Variants in FAM220A observed in about 807,000 individuals in gnomAD.
FAM220A encodes the protein protein FAM220A.
For synonymous variants in FAM220A, 141 were observed against 130.7 expected, an observed-to-expected ratio of 1.08 and a Z score of -0.54; for missense variants, 392 against 321.6, an observed-to-expected ratio of 1.22 and a Z score of -1.68.
chr7:6,347,554 G>T (rs1322067186), intron 1 of FAM220A, among the ~76,000 whole-genome samples: 1 of 151,830 alleles, frequency 6.6e-6, no homozygotes, highest in Non-Finnish European at 1.5e-5. Context: ...TTACAGCAAA[G>T]GCGGTCTCCA....
intron 1 of FAM220A, among the ~76,000 whole-genome samples, chr7:6,337,136 A>ATCCCAGCT (rs887004530): frequency 6.6e-6 from 1 of 150,970 alleles, no homozygotes; most frequent in Admixed American, 6.6e-5. Context: ...CAGTGGCGCA[A>ATCCCAGCT]TCTCAGCTCA....
At chr7:6,344,120 C>T (rs1781916252) in intron 1 of FAM220A, among the ~76,000 whole-genome samples, 3 of 146,892 alleles carry the variant, frequency 2.0e-5, no homozygotes, top group South Asian at 2.2e-4. Flanking sequence ...TGGCCTCAAG[C>T]GAGGGTAAAG....
chr7:6,348,050 A>G (rs1781989587), intron 1 of FAM220A, among the ~76,000 whole-genome samples: 1 of 151,436 alleles, frequency 6.6e-6, no homozygotes, highest in Non-Finnish European at 1.5e-5. Context: ...AGCTGGGATT[A>G]CAGGCACGCG....
In FAM220A at chr7:6,348,872, G is replaced by C. The variant is rs1328327324; in HGVS notation, c.-381C>G. The C allele has an allele frequency of 5.2e-6, 2 of 386,590 alleles. No homozygotes were observed. Among genetic ancestry groups the C allele is most frequent in the Non-Finnish European group, 4.6e-6 (1 of 219,142 alleles). 23.9% of individuals were successfully genotyped at this position (386,590 alleles called of 1,614,324 possible). A position where few individuals can be genotyped will look rare whatever the true frequency, so the allele number is the denominator to read the frequency against. ...AGCGAAGGAGGCGGCGGCTAGACCG[G>C]CGGGCGGGCGGGCCGCAGTGGAGCG... On this transcript the variant is annotated 5_prime_UTR_variant, in exon 1 of 2. Coordinates refer to ENST00000313324, the MANE Select transcript of FAM220A (RefSeq NM_001037163.2).
chr7:6,348,196 G>A (rs547042940), intron 1 of FAM220A, among the ~76,000 whole-genome samples: 13 of 144,666 alleles, frequency 9.0e-5, no homozygotes, highest in African/African-American at 3.3e-4. Flanking sequence ...GTAAGCCACC[G>A]CGCCCGGCCG....
At chr7:6,334,536 C>G (rs1221248886) in intron 1 of FAM220A, among the ~76,000 whole-genome samples, 2 of 152,058 alleles carry the variant, frequency 1.3e-5, no homozygotes, top group South Asian at 4.1e-4. Context: ...GGCAGGATCA[C>G]AGCTTACTGC....
chr7:6,342,528 G>T (rs1781882168), intron 1 of FAM220A, among the ~76,000 whole-genome samples: 1 of 151,698 alleles, frequency 6.6e-6, no homozygotes, highest in African/African-American at 2.4e-5. Context: ...GACAAAGCGA[G>T]ACTCTGTCTC....
intron 1 of FAM220A, among the ~76,000 whole-genome samples, chr7:6,337,672 T>A (rs983223510): frequency 1.3e-5 from 2 of 151,666 alleles, no homozygotes; most frequent in Non-Finnish European, 2.9e-5. Context: ...CATAAAAAAA[T>A]TCATTTAATA....
rs1251017842 is a variant in FAM220A, at chr7:6,329,435, T to G, written c.*940A>C. On this transcript the variant is annotated 3_prime_UTR_variant, in exon 2 of 2. Coordinates refer to ENST00000313324, the MANE Select transcript of FAM220A (RefSeq NM_001037163.2). The stretch of plus-strand genomic sequence containing the variant: ...ATAAAATAAGACATATTTATTAAGC[T>G]AAAGAACAAATTTTATTTTTCATTT... The G allele has an allele frequency of 6.6e-6, 1 of 152,460 alleles. No individual in the cohort carries two copies. The highest frequency in any genetic ancestry group is 2.4e-5 in the African/African-American group (1 of 41,416). 9.4% of individuals were successfully genotyped at this position (152,460 alleles called of 1,614,324 possible).
At chr7:6,335,505 G>C (rs919055065) in intron 1 of FAM220A, among the ~76,000 whole-genome samples, 1 of 151,302 alleles carries the variant, frequency 6.6e-6, no homozygotes, top group Non-Finnish European at 1.5e-5. Flanking sequence ...TGGGACTACA[G>C]GTGTGAGCCT....
chr7:6,340,176 C>T (rs939663349), intron 1 of FAM220A, among the ~76,000 whole-genome samples: 12 of 152,132 alleles, frequency 7.9e-5, no homozygotes, highest in African/African-American at 1.9e-4. Context: ...TGAGCTACCG[C>T]GCCCGGCCCC....
chr7:6,348,900 GTCC>G lies in FAM220A; in HGVS notation c.-412_-410del, dbSNP rs1383199670. 1.0e-5 allele frequency: 4 copies of G among 387,204 alleles called. No individual in the cohort carries two copies. The highest frequency in any genetic ancestry group is 1.8e-5 in the Non-Finnish European group (4 of 219,326). The allele number at this position is 387,204 out of a possible 1,614,324, so 24.0% of individuals were successfully genotyped here. On this transcript the variant is annotated 5_prime_UTR_variant, in exon 1 of 2. Coordinates refer to ENST00000313324, the MANE Select transcript of FAM220A (RefSeq NM_001037163.2). Reference sequence around the variant, plus strand: ...GGCGGGCGGGCCGCAGTGGAGCGGAGTCCGCACGTCACGCTCGGAGAAGTGCCT... The same window carrying G: ...GGCGGGCGGGCCGCAGTGGAGCGGAGGCACGTCACGCTCGGAGAAGTGCCT...
At chr7:6,344,829 CTCCCAGGGTTCAAGT>C (rs1331902410) in intron 1 of FAM220A, among the ~76,000 whole-genome samples, 3 of 151,820 alleles carry the variant, frequency 2.0e-5, no homozygotes, top group African/African-American at 7.3e-5. Context: ...TAACCTCCAC[CTCCCAGGGTTCAAGT>C]AATTCTCCTG....
chr7:6,331,040 A>G lies in FAM220A; in HGVS notation c.115T>C (p.Trp39Arg), dbSNP rs902702278. The part of the protein sequence containing the change: ...SLKKRMPEGP[W>R]PADAPSWMNK... The stretch of plus-strand genomic sequence containing the variant: ...ATCCAGGAGGGTGCATCTGCAGGCC[A>G]AGGGCCCTCCGGCATTCTTTTCTTA... Residue 39 changes from tryptophan (W) to arginine (R), a missense_variant, in exon 2 of 2, where the codon TGG becomes CGG. Trp to Arg is a moderately radical substitution (Grantham distance 101). Transcript: ENST00000313324. 6.2e-7 allele frequency: 1 copy of G among 1,613,994 alleles called. No individual in the cohort carries two copies. The highest frequency in any genetic ancestry group is 8.5e-7 in the Non-Finnish European group (1 of 1,180,036).
intron 1 of FAM220A, among the ~76,000 whole-genome samples, chr7:6,335,672 CTT>C (rs986393075): frequency 5.3e-5 from 8 of 152,180 alleles, no homozygotes; most frequent in African/African-American, 9.6e-5. Context: ...TTATATATAT[CTT>C]GTGGGACATG....
intron 1 of FAM220A, among the ~76,000 whole-genome samples, chr7:6,337,021 C>T (rs369202597): frequency 1.8e-3 from 279 of 151,882 alleles, no homozygotes; most frequent in African/African-American, 5.2e-3. Context: ...TATCCTTAAA[C>T]GGAAGGATTC....
At position 6,330,288 on chromosome 7, in the gene FAM220A, G is replaced by A. The variant is rs1781601901; in HGVS notation, c.*87C>T. 8 of 1,283,890 alleles carry A rather than the reference G, an allele frequency of 6.2e-6. No individual in the cohort carries two copies. Among genetic ancestry groups the A allele is most frequent in the Admixed American group, 4.5e-5 (2 of 44,114 alleles). 79.5% of individuals were successfully genotyped at this position (1,283,890 alleles called of 1,614,324 possible). Reference sequence around the variant, plus strand: ...AAACTACAGCAGGAACCTAAGGGCTGCACAGTTTGCATCCAGACTTAATGC... The same window carrying A: ...AAACTACAGCAGGAACCTAAGGGCTACACAGTTTGCATCCAGACTTAATGC... On this transcript the variant is annotated 3_prime_UTR_variant, in exon 2 of 2. Transcript: ENST00000313324.
At chr7:6,347,883 T>TTTTTTATTATTA (rs376869408) in intron 1 of FAM220A, among the ~76,000 whole-genome samples, 3 of 131,538 alleles carry the variant, frequency 2.3e-5, no homozygotes, top group Non-Finnish European at 4.8e-5. Flanking sequence ...ACGAGACCCC[T>TTTTTTATTATTA]TTATTATTAT....
intron 1 of FAM220A, among the ~76,000 whole-genome samples, chr7:6,336,874 G>T (rs1781759178): frequency 1.3e-5 from 2 of 151,656 alleles, no homozygotes; most frequent in Non-Finnish European, 2.9e-5. Flanking sequence ...GGCTGGTCTT[G>T]AACTCCTGGG....
Sources: allele counts gnomAD v4.1 joint callset (sites outside exome capture counted in the v4.1 genomes callset), GRCh38; gene constraint gnomAD v4.1.1; transcripts MANE v1.5; gene names NCBI Gene and HGNC (gene_info 2026-07-23, HGNC 2026-07-21).